STRIP1: variants seen among roughly 807,000 people sequenced by gnomAD.
STRIP1 encodes the protein striatin-interacting protein 1.
STRIP1 carries 63 observed loss-of-function variants against 106.2 expected under a neutral mutation model. The observed-to-expected ratio is 0.59, with a 90% CI of 0.48 to 0.73. The LOEUF is 0.73. Ranked by LOEUF, STRIP1 falls within the 30% of genes least tolerant of loss-of-function variation. The pLI is 0.00. For missense variants in STRIP1, 857 were observed against 1,074.8 expected (o/e 0.80, Z 2.83); for synonymous variants, 390 against 413.0 (o/e 0.94, Z 0.67).
rs201481769 is a variant in STRIP1 at position 110,049,576 on chromosome 1, G to A, written c.1889+16G>A. 1.9e-6 allele frequency: 3 copies of A among 1,561,634 alleles called. No individual in the cohort carries two copies. In the African/African-American group the frequency reaches 4.1e-5, roughly 21 times the overall value. The stretch of plus-strand genomic sequence containing the variant: ...CCAAGAACAGGTGATGAGGGCCAGG[G>A]ACCATGAAGGGGTGGATATGGTCAG... On this transcript the variant is annotated intron_variant, in intron 17 of 20. Transcript: ENST00000369795.
At chr1:110,052,818 G>A (rs930498203) in intron 20 of STRIP1, among the ~76,000 whole-genome samples, 3 of 152,038 alleles carry the variant, frequency 2.0e-5, no homozygotes, top group Admixed American at 6.6e-5. Context: ...CACCAGCCTC[G>A]GCCTCCCAGA....
At chr1:110,042,295 C>T (rs1652801091) in intron 8 of STRIP1, among the ~76,000 whole-genome samples, 1 of 152,224 alleles carries the variant, frequency 6.6e-6, no homozygotes, top group Non-Finnish European at 1.5e-5. Flanking sequence ...CAGCCCGACT[C>T]TGTGTCTAGG....
chr1:110,039,732 A>G (rs1243428526), intron 5 of STRIP1: 1 of 1,076,120 alleles, frequency 9.3e-7, no homozygotes, highest in East Asian at 3.0e-5. Context: ...CTGATGCCAG[A>G]GTTTTTACAC....
chr1:110,051,791 T>C lies in STRIP1; in HGVS notation c.2170T>C (p.Leu724=), dbSNP rs762665611. The C allele has an allele frequency of 1.2e-6, 2 of 1,613,926 alleles. No homozygotes were observed. Among genetic ancestry groups the C allele is most frequent in the Non-Finnish European group, 1.7e-6 (2 of 1,180,038 alleles). Residue 724 remains leucine (L), a synonymous_variant, in exon 20 of 21, where the codon TTG becomes CTG. Coordinates refer to ENST00000369795, the MANE Select transcript of STRIP1 (RefSeq NM_033088.4). The part of the protein sequence containing the change: ...LKLLKVQTKY[L]GRQWRKSNMK... ...GCTGCTCAAGGTACAGACCAAATAC[T>C]TGGGGCGGCAGTGGCGAAAGAGCAA...
chr1:110,052,559 C>T (rs1653347876), intron 20 of STRIP1, among the ~76,000 whole-genome samples: 1 of 151,946 alleles, frequency 6.6e-6, no homozygotes, highest in South Asian at 2.1e-4. Context: ...AACCTCTGCC[C>T]CCCAGGTTTA....
In STRIP1 at chr1:110,054,028, ACTGTGT is replaced by A. The variant is rs1389954080; in HGVS notation, c.*119_*124del. 7.5e-7 allele frequency: 1 copy of A among 1,328,344 alleles called. No homozygotes were observed. The highest frequency in any genetic ancestry group is 1.0e-6 in the Non-Finnish European group (1 of 956,004). The allele number at this position is 1,328,344 out of a possible 1,614,324, so 82.3% of individuals were successfully genotyped here. A position where few individuals can be genotyped will look rare whatever the true frequency, so the allele number is the denominator to read the frequency against. ...CCCCACCAGGTGGCAGCACAGCCCC[ACTGTGT>A]CTTCCGCAGTCTGTCCTGGGCTTGG... On this transcript the variant is annotated 3_prime_UTR_variant, in exon 21 of 21. Coordinates refer to ENST00000369795, the MANE Select transcript of STRIP1 (RefSeq NM_033088.4).
intron 12 of STRIP1, 71 bp downstream of exon 12, chr1:110,045,149 G>A (rs1207370155): frequency 6.9e-7 from 1 of 1,441,718 alleles, no homozygotes; most frequent in Non-Finnish European, 9.7e-7. Flanking sequence ...CCTGTAGGGA[G>A]AAGCCTTTTA....
chr1:110,045,203 G>A, intron 12 of STRIP1, 125 bp downstream of exon 12: 2 of 782,120 alleles, frequency 2.6e-6, no homozygotes, highest in Non-Finnish European at 4.3e-6. Flanking sequence ...AGGCCGGGGT[G>A]GACTTTGCAA....
chr1:110,047,711 T>C, intron 14 of STRIP1, 61 bp from the exon 15 acceptor site: 1 of 1,538,836 alleles, frequency 6.5e-7, no homozygotes. Context: ...GGAGGACTGC[T>C]CAGAGCTTAA....
rs955605074 is a variant in STRIP1 at position 110,051,026 on chromosome 1, A to G, written c.2027A>G (p.Asn676Ser). Reference sequence around the variant, plus strand: ...TGTATCAATCTGCTTCGGATCTTGAACAAGCTGACAAAGTGGAAGCATTCA... The same window carrying G: ...TGTATCAATCTGCTTCGGATCTTGAGCAAGCTGACAAAGTGGAAGCATTCA... ...FSCINLLRILNKLTKWKHSRT... is the reference protein window; with the variant it reads ...FSCINLLRILSKLTKWKHSRT... Residue 676 changes from asparagine to serine, a missense_variant, in exon 19 of 21, where the codon AAC becomes AGC. Physicochemically the swap from Asn to Ser is conservative, Grantham distance 46 (BLOSUM62 1). This residue lies in a region of STRIP1 where 750 missense variants were observed against 989.8 expected (regional missense o/e 0.76). Transcript: ENST00000369795. 3.1e-6 allele frequency: 5 copies of G among 1,613,746 alleles called. No individual in the cohort carries two copies. The highest frequency in any genetic ancestry group is 1.1e-5 in the South Asian group (1 of 91,074).
At chr1:110,040,490 G>T (rs1652705803) in intron 5 of STRIP1, 145 bp from the exon 6 acceptor site, 11 of 708,636 alleles carry the variant, frequency 1.6e-5, no homozygotes, top group Non-Finnish European at 2.5e-5. Context: ...CCATGGTCTG[G>T]TTTCTTAACC....
chr1:110,043,127 G>A lies in STRIP1; in HGVS notation c.925G>A (p.Ala309Thr). The part of the protein sequence containing the change: ...GGFEELQSMK[A>T]EKRSILGLPP... Reference sequence around the variant, plus strand: ...CTTTGAGGAGCTGCAGAGCATGAAGGCTGAGAAGCGCAGCATCCTGGGCCT... The same window carrying A: ...CTTTGAGGAGCTGCAGAGCATGAAGACTGAGAAGCGCAGCATCCTGGGCCT... The change falls in exon 9 of 21, where the codon GCT (alanine) becomes ACT (threonine). Residue 309 changes from alanine (A) to threonine (T), a missense_variant. Around this residue, in one of 2 missense-constraint regions of STRIP1, gnomAD observed 750 missense variants for 989.8 expected, o/e 0.76. Transcript: ENST00000369795. The A allele has an allele frequency of 6.2e-7, 1 of 1,613,930 alleles. No individual in the cohort carries two copies. Among genetic ancestry groups the A allele is most frequent in the Non-Finnish European group, 8.5e-7 (1 of 1,179,982 alleles).
chr1:110,038,009 G>T, intron 2 of STRIP1, 49 bp downstream of exon 2: 1 of 1,201,134 alleles, frequency 8.3e-7, no homozygotes, highest in Non-Finnish European at 1.2e-6. Flanking sequence ...TTCCTTATTG[G>T]TCTTTAATAA....
At chr1:110,048,159 T>G in intron 15 of STRIP1, 1 of 365,930 alleles carries the variant, frequency 2.7e-6, no homozygotes, top group Non-Finnish European at 5.2e-6. Flanking sequence ...CCCTGGACAT[T>G]TCCCCAAAGC....
chr1:110,035,276 G>C (rs950029130), intron 1 of STRIP1, among the ~76,000 whole-genome samples: 3 of 152,204 alleles, frequency 2.0e-5, no homozygotes, highest in African/African-American at 7.2e-5. Flanking sequence ...CGTGTGGGCA[G>C]GGAAGGCGCC....
chr1:110,050,051 C>G, intron 17 of STRIP1: 1 of 440,512 alleles, frequency 2.3e-6, no homozygotes, highest in Non-Finnish European at 4.1e-6. Flanking sequence ...TTGCCCTGAG[C>G]TATCTCCTCC....
chr1:110,041,454 T>G (rs1001531083), intron 6 of STRIP1, 82 bp from the exon 7 acceptor site: 14 of 924,928 alleles, frequency 1.5e-5, no homozygotes, highest in Non-Finnish European at 2.4e-5. Context: ...AGCCCCTGCT[T>G]TGTGTAAGCA....
intron 20 of STRIP1, among the ~76,000 whole-genome samples, chr1:110,052,717 A>G (rs7542987): frequency 0.086 from 12,993 of 151,832 alleles, 1,594 homozygotes; most frequent in African/African-American, 0.27. Context: ...AGATGCACCC[A>G]CCTCGGCCTC....
chr1:110,050,269 G>A, intron 17 of STRIP1, 74 bp from the exon 18 acceptor site: 1 of 1,462,732 alleles, frequency 6.8e-7, no homozygotes, highest in Non-Finnish European at 9.6e-7. Context: ...CTGGGAGCTG[G>A]CTCAGGCACG....
Sources: gnomAD v4.1 joint callset for allele counts (sites outside exome capture counted in the v4.1 genomes callset) on GRCh38, gnomAD v4.1.1 for gene constraint, gnomAD v4.1.1 regional missense constraint, MANE v1.5 for transcripts, NCBI Gene and HGNC (gene_info 2026-07-23, HGNC 2026-07-21) for gene names.